Variants in NAA11 observed in about 807,000 individuals in gnomAD.
The protein encoded by NAA11 is N-alpha-acetyltransferase 11, NatA catalytic subunit, also known as N-alpha-acetyltransferase 11.
NAA11 carries 15 observed loss-of-function variants against 16.1 expected under a neutral mutation model. That is an observed-to-expected ratio of 0.93 (90% CI 0.62 to 1.44). The LOEUF (loss-of-function observed/expected upper bound fraction) is 1.44, where lower values mean the gene tolerates loss of function less well. NAA11 is among the 40% of genes most tolerant of loss of function. The pLI, the probability that NAA11 is intolerant of heterozygous loss-of-function variation, is 0.00. For missense variants in NAA11, 298 were observed against 291.3 expected (o/e 1.02, Z -0.17); for synonymous variants, 122 against 112.4 (o/e 1.09, Z -0.54).
chr4:79,184,711 C>T, the NAA11 span, among the ~76,000 whole-genome samples: 2 of 152,244 alleles, frequency 1.3e-5, no homozygotes, highest in African/African-American at 2.4e-5. Flanking sequence ...CATAGTTTTA[C>T]GCTAGGAACT....
chr4:79,196,955 C>CAAAAAAAAAA, the NAA11 span, among the ~76,000 whole-genome samples: 535 of 86,168 alleles, frequency 6.2e-3, 1 homozygote, highest in South Asian at 7.2e-3. Flanking sequence ...ATGAAAAAGA[C>CAAAAAAAAAA]AAAAAAAAAA....
chr4:79,164,796 G>A, the NAA11 span, among the ~76,000 whole-genome samples: 1 of 152,298 alleles, frequency 6.6e-6, no homozygotes, highest in African/African-American at 2.4e-5. Context: ...TACCTTTAAG[G>A]GAAAGAGTAT....
chr4:79,181,385 A>C, the NAA11 span, among the ~76,000 whole-genome samples: 2 of 152,270 alleles, frequency 1.3e-5, no homozygotes, highest in East Asian at 3.9e-4. Context: ...GGCGTGGCTC[A>C]GTCTAGGCAC....
chr4:79,180,979 G>A, the NAA11 span, among the ~76,000 whole-genome samples: 1 of 151,938 alleles, frequency 6.6e-6, no homozygotes, highest in East Asian at 1.9e-4. Context: ...CTATCACAAG[G>A]ACAAAAAACC....
chr4:79,308,937 A>G (rs1171437704), intron 1 of NAA11: 14 of 152,160 alleles, frequency 9.2e-5, no homozygotes, highest in Admixed American at 9.2e-4. Flanking sequence ...TTCCTGTTTC[A>G]TTACATGAAT....
intron 2 of NAA11, among the ~76,000 whole-genome samples, chr4:79,282,006 C>G (rs72870863): frequency 0.057 from 8,669 of 152,076 alleles, 274 homozygotes; most frequent in East Asian, 0.077. Context: ...TACATTTTTC[C>G]AGGATGGGTG....
chr4:79,297,253 C>T (rs1391584674), intron 1 of NAA11, among the ~76,000 whole-genome samples: 1 of 152,194 alleles, frequency 6.6e-6, no homozygotes, highest in African/African-American at 2.4e-5. Flanking sequence ...CTCCGTGGAG[C>T]CCACTGCCCT....
At chr4:79,167,268 T>TAGAGAG in the NAA11 span, among the ~76,000 whole-genome samples, 1,112 of 115,806 alleles carry the variant, frequency 9.6e-3, 9 homozygotes, top group African/African-American at 0.025. Context: ...TATATATATA[T>TAGAGAG]ATAGAGAGAG....
chr4:79,233,974 C>CT (rs1475934928), intron 2 of NAA11, among the ~76,000 whole-genome samples: 2 of 152,002 alleles, frequency 1.3e-5, no homozygotes, highest in African/African-American at 4.8e-5. Context: ...AATCTGTCAT[C>CT]TTGTCAAAAT....
chr4:79,309,037 A>C (rs1182201209), intron 1 of NAA11, among the ~76,000 whole-genome samples: 3 of 152,228 alleles, frequency 2.0e-5, no homozygotes, highest in Non-Finnish European at 2.9e-5. Flanking sequence ...TGAAAAGATA[A>C]GCATACACAT....
chr4:79,298,212 AC>A (rs1187522270), intron 1 of NAA11, among the ~76,000 whole-genome samples: 1 of 152,146 alleles, frequency 6.6e-6, no homozygotes, highest in East Asian at 1.9e-4. Flanking sequence ...TTGCCCAATA[AC>A]GCTCCTCTTC....
At chr4:79,246,563 A>G (rs1031927456) in intron 2 of NAA11, among the ~76,000 whole-genome samples, 1 of 152,216 alleles carries the variant, frequency 6.6e-6, no homozygotes, top group African/African-American at 2.4e-5. Flanking sequence ...GTGAAAAGTA[A>G]CTAGCAATTA....
chr4:79,204,306 A>G, the NAA11 span, among the ~76,000 whole-genome samples: 1 of 151,946 alleles, frequency 6.6e-6, no homozygotes, highest in Non-Finnish European at 1.5e-5. Flanking sequence ...GGTACATCGC[A>G]TATTATCAGA....
intron 2 of NAA11, among the ~76,000 whole-genome samples, chr4:79,293,122 TA>T (rs1202069088): frequency 6.6e-6 from 1 of 152,208 alleles, no homozygotes; most frequent in African/African-American, 2.4e-5. Flanking sequence ...AAGTTTTTTT[TA>T]ACACTGTGTT....
Position 79,325,985 on chromosome 4 carries a change from C to G in NAA11, c.-108G>C, listed in dbSNP as rs1241513634. ...AGGAATCGAGTCCAGGGGGCTAACA[C>G]CACCGGGCTGAATCGTGTGGAGGGC... On this transcript the variant is annotated 5_prime_UTR_variant, in exon 1 of 2. Transcript: ENST00000286794. 6 of 919,270 alleles carry G rather than the reference C, an allele frequency of 6.5e-6. No individual in the cohort carries two copies. The highest frequency in any genetic ancestry group is 6.6e-6 in the Non-Finnish European group (4 of 607,650). The allele number at this position is 919,270 out of a possible 1,614,324, so 56.9% of individuals were successfully genotyped here. A position where few individuals can be genotyped will look rare whatever the true frequency, so the allele number is the denominator to read the frequency against.
intron 2 of NAA11, among the ~76,000 whole-genome samples, chr4:79,254,061 G>A (rs1722050417): frequency 2.0e-5 from 3 of 152,206 alleles, no homozygotes. Context: ...TGGCAGGCCT[G>A]CCACCCAGTG....
At chr4:79,171,661 C>T in the NAA11 span, among the ~76,000 whole-genome samples, 1 of 152,034 alleles carries the variant, frequency 6.6e-6, no homozygotes, top group African/African-American at 2.4e-5. Flanking sequence ...GAACATAGCA[C>T]CATTATTGTA....
rs533492444 is a variant in NAA11, at chr4:79,317,054, C to A, written c.*750G>T. On this transcript the variant is annotated 3_prime_UTR_variant, in exon 2 of 2. Coordinates refer to ENST00000286794, the MANE Select transcript of NAA11 (RefSeq NM_032693.3). ...TGAAGGCTCCAGCATTGTGTGTGAACACTGCAGGTACTCAATAAATGCCAA... is the reference window on the plus strand; with the variant it reads ...TGAAGGCTCCAGCATTGTGTGTGAAAACTGCAGGTACTCAATAAATGCCAA... The A allele has an allele frequency of 1.6e-4, 25 of 152,248 alleles. No individual in the cohort carries two copies. The highest frequency in any genetic ancestry group is 5.3e-4 in the African/African-American group (22 of 41,546). 9.4% of individuals were successfully genotyped at this position (152,248 alleles called of 1,614,324 possible).
chr4:79,196,134 C>G, the NAA11 span, among the ~76,000 whole-genome samples: 1 of 151,992 alleles, frequency 6.6e-6, no homozygotes, highest in African/African-American at 2.4e-5. Context: ...ATGCTCTGTC[C>G]ACATGTGATT....
Sources: gnomAD v4.1 joint callset for allele counts (sites outside exome capture counted in the v4.1 genomes callset) on GRCh38, gnomAD v4.1.1 for gene constraint, MANE v1.5 for transcripts, NCBI Gene and HGNC (gene_info 2026-07-23, HGNC 2026-07-21) for gene names.